The following DENND1A variants were observed in gnomAD, a reference collection of about 807,000 sequenced individuals.
DENND1A encodes the protein DENN domain-containing protein 1A.
Under a neutral mutation model 113.7 loss-of-function variants are expected in DENND1A, and 51 were observed. The observed-to-expected ratio is 0.45, with a 90% CI of 0.36 to 0.57. The LOEUF is 0.57. Ranked by LOEUF, DENND1A falls within the 20% of genes least tolerant of loss-of-function variation. The pLI is 0.00. For missense variants in DENND1A, 1,258 were observed against 1,395.9 expected, an observed-to-expected ratio of 0.90 and a Z score of 1.57; for synonymous variants, 565 against 570.8, an observed-to-expected ratio of 0.99 and a Z score of 0.14.
At chr9:123,716,260 T>A (rs1053348893) in intron 5 of DENND1A, among the ~76,000 whole-genome samples, 6 of 152,154 alleles carry the variant, frequency 3.9e-5, no homozygotes, top group Non-Finnish European at 8.8e-5. Context: ...TCAAATTAGA[T>A]CTGATCAAGT....
chr9:123,820,061 TGA>T (rs1179300038), intron 2 of DENND1A, among the ~76,000 whole-genome samples: 2 of 151,972 alleles, frequency 1.3e-5, no homozygotes, highest in African/African-American at 4.8e-5. Flanking sequence ...AAAAACATAT[TGA>T]GAGGGGACAG....
At chr9:123,665,906 T>C (rs2063472917) in intron 8 of DENND1A, among the ~76,000 whole-genome samples, 1 of 152,208 alleles carries the variant, frequency 6.6e-6, no homozygotes, top group South Asian at 2.1e-4. Context: ...CATGCTTCAA[T>C]GCAGATGAAC....
chr9:123,886,398 C>T (rs947343788), intron 1 of DENND1A, among the ~76,000 whole-genome samples: 3 of 152,068 alleles, frequency 2.0e-5, no homozygotes, highest in South Asian at 4.1e-4. Context: ...AGACCTGAAA[C>T]GAAATAGTTA....
At chr9:123,707,418 A>T (rs2066298177) in intron 5 of DENND1A, among the ~76,000 whole-genome samples, 1 of 150,572 alleles carries the variant, frequency 6.6e-6, no homozygotes, top group Admixed American at 6.6e-5. Context: ...AAAAAAAAAG[A>T]AGCCCAAGGA....
intron 13 of DENND1A, among the ~76,000 whole-genome samples, chr9:123,532,385 C>T (rs1199909812): frequency 2.0e-5 from 3 of 152,200 alleles, no homozygotes; most frequent in East Asian, 1.9e-4. Context: ...TCACACACCA[C>T]GTTCCGTTGT....
rs144070128 is a variant in DENND1A, at chr9:123,466,178, C to T, written c.994-8281G>A. On this transcript the variant is annotated intron_variant, in intron 13 of 23. Coordinates refer to ENST00000394215, the MANE Select transcript of DENND1A (RefSeq NM_001352964.2). ...CACACCCGGCTAATTTTTGTATTTT[C>T]AGTAGAGGTGAGGTTTCACCATGTT... Among the ~76,000 whole-genome samples the T allele has an allele frequency of 4.8e-3, 716 of 149,026 alleles. 5 individuals are homozygous for T. Among genetic ancestry groups the T allele is most frequent in the African/African-American group, 0.016 (662 of 40,400 alleles).
chr9:123,734,500 C>A (rs1013276441), intron 5 of DENND1A, among the ~76,000 whole-genome samples: 1 of 152,008 alleles, frequency 6.6e-6, no homozygotes, highest in Non-Finnish European at 1.5e-5. Flanking sequence ...CTACAGACAC[C>A]AAATAACAAT....
intron 9 of DENND1A, among the ~76,000 whole-genome samples, chr9:123,636,537 G>A (rs1012137160): frequency 4.6e-5 from 7 of 152,028 alleles, no homozygotes; most frequent in Admixed American, 1.3e-4. Context: ...GGCTGGTCTC[G>A]AACTCCCGAG....
Position 123,382,243 on chromosome 9 carries a change from G to C in DENND1A, c.2402C>G (p.Thr801Arg). 6.2e-7 allele frequency: 1 copy of C among 1,609,638 alleles called. No individual in the cohort carries two copies. Among genetic ancestry groups the C allele is most frequent in the Non-Finnish European group, 8.5e-7 (1 of 1,179,536 alleles). The change falls in exon 24 of 24, where the codon ACG becomes AGG. Residue 801 changes from threonine to arginine, a missense_variant. This residue lies in a region of DENND1A where 1,159 missense variants were observed against 1,231.7 expected (regional missense o/e 0.94). Coordinates refer to ENST00000394215, the MANE Select transcript of DENND1A (RefSeq NM_001352964.2). ...ALGDVSERLQ[T>R]DRDRRAALSP... is the part of the protein sequence containing the mutation. ...CAGGGCAGCTCGCCTGTCCCGATCC[G>C]TCTGCAGCCGCTCTGAGACGTCACC...
chr9:123,896,157 A>G (rs535853715), intron 1 of DENND1A, among the ~76,000 whole-genome samples: 1 of 151,982 alleles, frequency 6.6e-6, no homozygotes, highest in Admixed American at 6.6e-5. Context: ...AAAAAAAATT[A>G]AAAAATCAGC....
intron 11 of DENND1A, among the ~76,000 whole-genome samples, chr9:123,597,628 G>T (rs371685121): frequency 2.0e-5 from 3 of 152,126 alleles, no homozygotes; most frequent in African/African-American, 7.2e-5. Context: ...TAGAACAGGG[G>T]CTATTTAATA....
Position 123,667,062 on chromosome 9 carries a change from C to T in DENND1A, c.471G>A (p.Val157=), listed in dbSNP as rs1487107020. The change falls in exon 8 of 24, where the codon GTG becomes GTA. Residue 157 remains valine, a synonymous_variant. Transcript: ENST00000394215. ...TGCTGGGAAGTTCTCTGGTATCAGG[C>T]ACAGTAAAATAAGAATGCTAGAAAA... is the stretch of plus-strand genomic sequence containing the variant. ...VHLSVHSYFT[V]PDTRELPSIP... is the part of the protein sequence containing the mutation. The T allele has an allele frequency of 6.3e-7, 1 of 1,598,906 alleles. No homozygotes were observed. Among genetic ancestry groups the T allele is most frequent in the Non-Finnish European group, 8.5e-7 (1 of 1,175,430 alleles).
At chr9:123,740,328 A>G (rs1180230010) in intron 5 of DENND1A, among the ~76,000 whole-genome samples, 1 of 152,224 alleles carries the variant, frequency 6.6e-6, no homozygotes, top group African/African-American at 2.4e-5. Context: ...CTGTCTAAAT[A>G]TATTTTCTAA....
At chr9:123,609,124 C>A (rs1251442039) in intron 11 of DENND1A, among the ~76,000 whole-genome samples, 1 of 152,158 alleles carries the variant, frequency 6.6e-6, no homozygotes, top group Non-Finnish European at 1.5e-5. Flanking sequence ...GCGATTAGAA[C>A]AAACATTTTG....
intron 14 of DENND1A, 42 bp downstream of exon 14, chr9:123,457,751 C>A: frequency 6.5e-7 from 1 of 1,546,534 alleles, no homozygotes; most frequent in Non-Finnish European, 8.8e-7. Flanking sequence ...CAGAAATCCC[C>A]GCCAGGGAGC....
At chr9:123,751,708 C>CA (rs947100401) in intron 5 of DENND1A, 1 of 152,214 alleles carries the variant, frequency 6.6e-6, no homozygotes, top group Non-Finnish European at 1.5e-5. Flanking sequence ...ACTGCATTCT[C>CA]AGCATCCTTT....
chr9:123,909,236 A>G (rs1853487046), intron 1 of DENND1A, among the ~76,000 whole-genome samples: 1 of 152,196 alleles, frequency 6.6e-6, no homozygotes. Context: ...ATTGGCAGAT[A>G]TACCTAATGC....
intron 5 of DENND1A, among the ~76,000 whole-genome samples, chr9:123,720,174 T>C (rs1490924211): frequency 6.6e-6 from 1 of 152,204 alleles, no homozygotes; most frequent in East Asian, 1.9e-4. Flanking sequence ...CATCTGAATG[T>C]AGCTCAACAT....
intron 13 of DENND1A, among the ~76,000 whole-genome samples, chr9:123,470,542 T>C (rs1588689570): frequency 6.6e-6 from 1 of 152,142 alleles, no homozygotes; most frequent in African/African-American, 2.4e-5. Flanking sequence ...AGGGACCTGA[T>C]AGGCCCCTAG....
Sources: allele counts gnomAD v4.1 joint callset (sites outside exome capture counted in the v4.1 genomes callset), GRCh38; gene constraint gnomAD v4.1.1; regional missense constraint gnomAD v4.1.1; transcripts MANE v1.5; gene names NCBI Gene and HGNC (gene_info 2026-07-23, HGNC 2026-07-21).